ZEB1: variants seen among roughly 807,000 people sequenced by gnomAD.
The protein encoded by ZEB1 is zinc finger E-box binding homeobox 1, also known as zinc finger E-box-binding homeobox 1.
ZEB1 carries 21 observed loss-of-function variants against 84.9 expected under a neutral mutation model. That is an observed-to-expected ratio of 0.25 (90% CI 0.18 to 0.36). ZEB1 has a LOEUF of 0.36. Among genes scored for constraint, ZEB1 ranks in the 10% least tolerant of loss-of-function variants. ZEB1 has a pLI of 1.00. For synonymous variants in ZEB1, 420 were observed against 471.1 expected, an observed-to-expected ratio of 0.89 and a Z score of 1.41; for missense variants, 1,104 against 1,330.2, an observed-to-expected ratio of 0.83 and a Z score of 2.65.
At chr10:31,379,189 A>C (rs1308484435) in intron 1 of ZEB1, among the ~76,000 whole-genome samples, 2 of 152,028 alleles carry the variant, frequency 1.3e-5, no homozygotes, top group Non-Finnish European at 2.9e-5. Flanking sequence ...GAGAATGCAG[A>C]CCCAAGTAAT....
At chr10:31,387,022 T>C (rs2048756420) in intron 1 of ZEB1, 3 of 869,244 alleles carry the variant, frequency 3.5e-6, no homozygotes, top group Non-Finnish European at 4.1e-6. Flanking sequence ...CATGATTTTA[T>C]CTAATTTCTG....
chr10:31,434,944 T>C (rs1156283763), intron 1 of ZEB1, among the ~76,000 whole-genome samples: 2 of 152,080 alleles, frequency 1.3e-5, no homozygotes, highest in Non-Finnish European at 2.9e-5. Context: ...GGAGCTTACA[T>C]TTTAGTGGGG....
At chr10:31,423,058 G>GTATA (rs1359814245) in intron 1 of ZEB1, among the ~76,000 whole-genome samples, 1 of 151,718 alleles carries the variant, frequency 6.6e-6, no homozygotes, top group Non-Finnish European at 1.5e-5. Flanking sequence ...ATATATACAT[G>GTATA]TATATATATA....
At chr10:31,458,749 T>C (rs76147646) in intron 1 of ZEB1, among the ~76,000 whole-genome samples, 6,814 of 152,120 alleles carry the variant, frequency 0.045, 226 homozygotes, top group Middle Eastern at 0.082. Context: ...ATTATACATA[T>C]TTACAAGAAA....
At chr10:31,458,169 A>G (rs1391304315) in intron 1 of ZEB1, among the ~76,000 whole-genome samples, 1 of 152,128 alleles carries the variant, frequency 6.6e-6, no homozygotes, top group Non-Finnish European at 1.5e-5. Context: ...TCCTCAGCAA[A>G]TACTTACCAT....
chr10:31,420,533 C>A (rs186086136), intron 1 of ZEB1, among the ~76,000 whole-genome samples: 195 of 152,276 alleles, frequency 1.3e-3, no homozygotes, highest in Admixed American at 4.6e-3. Flanking sequence ...CAGGGAAGGC[C>A]TAACTCCTCT....
intron 6 of ZEB1, among the ~76,000 whole-genome samples, chr10:31,518,083 A>AG (rs1488456527): frequency 6.6e-6 from 1 of 152,188 alleles, no homozygotes; most frequent in Non-Finnish European, 1.5e-5. Flanking sequence ...TAGAAGGAAA[A>AG]TAAGCATGTA....
intron 1 of ZEB1, among the ~76,000 whole-genome samples, chr10:31,327,182 C>T (rs1384811946): frequency 6.8e-6 from 1 of 145,986 alleles, no homozygotes; most frequent in African/African-American, 2.5e-5. Flanking sequence ...GCGATATCAG[C>T]TCACTGCAAC....
intron 1 of ZEB1, among the ~76,000 whole-genome samples, chr10:31,408,287 A>G (rs1476401610): frequency 2.7e-5 from 4 of 150,870 alleles, no homozygotes; most frequent in Non-Finnish European, 3.0e-5. Flanking sequence ...CATGGCTAGG[A>G]AGAATCAATA....
intron 1 of ZEB1, among the ~76,000 whole-genome samples, chr10:31,431,611 A>G (rs2136261825): frequency 6.6e-6 from 1 of 152,324 alleles, no homozygotes; most frequent in South Asian, 2.1e-4. Context: ...CACACTTCAA[A>G]AAGTTAGAAA....
At chr10:31,396,336 G>C (rs865979234) in intron 1 of ZEB1, among the ~76,000 whole-genome samples, 2 of 152,302 alleles carry the variant, frequency 1.3e-5, no homozygotes, top group African/African-American at 4.8e-5. Flanking sequence ...AAAACAGTGT[G>C]ATAACACAAA....
At chr10:31,367,848 G>A (rs2044833668) in intron 1 of ZEB1, among the ~76,000 whole-genome samples, 1 of 151,992 alleles carries the variant, frequency 6.6e-6, no homozygotes, top group Non-Finnish European at 1.5e-5. Flanking sequence ...ACAATTCTTG[G>A]TGAAAAAGTA....
intron 1 of ZEB1, among the ~76,000 whole-genome samples, chr10:31,384,800 G>A (rs1417820937): frequency 6.6e-6 from 1 of 152,116 alleles, no homozygotes; most frequent in Admixed American, 6.6e-5. Flanking sequence ...CTCTGTCTAG[G>A]GAGTTTGTTT....
intron 1 of ZEB1, among the ~76,000 whole-genome samples, chr10:31,377,784 TTAAA>T (rs536028732): frequency 1.6e-3 from 238 of 151,870 alleles, no homozygotes; most frequent in African/African-American, 4.7e-3. Flanking sequence ...AAATTCCTTT[TTAAA>T]TAAAGTTTCA....
At chr10:31,361,354 G>A (rs548842105) in intron 1 of ZEB1, 69 of 766,722 alleles carry the variant, frequency 9.0e-5, no homozygotes, top group South Asian at 4.5e-4. Flanking sequence ...CACCATGCCC[G>A]CCTAATTTTT....
intron 1 of ZEB1, among the ~76,000 whole-genome samples, chr10:31,455,914 C>A (rs1287739607): frequency 6.6e-6 from 1 of 152,156 alleles, no homozygotes; most frequent in African/African-American, 2.4e-5. Context: ...TCGGTATATA[C>A]CCAAAGGATT....
intron 1 of ZEB1, among the ~76,000 whole-genome samples, chr10:31,408,479 A>G (rs1158014100): frequency 1.3e-5 from 2 of 150,808 alleles, no homozygotes; most frequent in Non-Finnish European, 3.0e-5. Context: ...GCATCACACT[A>G]CCTGACTTCA....
chr10:31,510,625 T>A, intron 4 of ZEB1, 48 bp from the exon 5 acceptor site: 3 of 1,528,164 alleles, frequency 2.0e-6, no homozygotes, highest in Non-Finnish European at 2.7e-6. Flanking sequence ...ACTTTGGTAA[T>A]ATTTTCTGAA....
intron 1 of ZEB1, among the ~76,000 whole-genome samples, chr10:31,407,173 C>G (rs901269494): frequency 6.6e-5 from 10 of 151,312 alleles, no homozygotes; most frequent in African/African-American, 2.2e-4. Context: ...TATACATGTG[C>G]CATGCTGGTG....
Sources: allele counts gnomAD v4.1 joint callset (sites outside exome capture counted in the v4.1 genomes callset), GRCh38; gene constraint gnomAD v4.1.1; transcripts MANE v1.5; gene names NCBI Gene and HGNC (gene_info 2026-07-23, HGNC 2026-07-21).